EML1: variants seen among roughly 807,000 people sequenced by gnomAD.
EML1 encodes the protein echinoderm microtubule-associated protein-like 1.
Under a neutral mutation model 110.4 loss-of-function variants are expected in EML1, and 27 were observed. The ratio of observed to expected loss-of-function variants is 0.24; its 90% CI spans 0.18 to 0.34. EML1 has a LOEUF of 0.34. Ranked by LOEUF, EML1 falls within the 10% of genes least tolerant of loss-of-function variation. EML1 has a pLI of 1.00. For missense variants in EML1, 741 were observed against 1,030.9 expected (o/e 0.72, Z 3.85); for synonymous variants, 344 against 385.8 (o/e 0.89, Z 1.27).
intron 13 of EML1, 142 bp from the exon 14 acceptor site, chr14:99,914,037 T>A: frequency 4.8e-6 from 5 of 1,035,592 alleles, no homozygotes; most frequent in Non-Finnish European, 6.8e-6. Context: ...ATATACAACA[T>A]ATATATTTGA....
At chr14:99,932,603 C>T (rs1490475304) in intron 17 of EML1, among the ~76,000 whole-genome samples, 3 of 149,046 alleles carry the variant, frequency 2.0e-5, no homozygotes, top group Non-Finnish European at 4.4e-5. Flanking sequence ...GCTGAGATTG[C>T]ACCATTGCAC....
At chr14:99,829,734 T>C (rs1247075221) in intron 1 of EML1, among the ~76,000 whole-genome samples, 2 of 152,254 alleles carry the variant, frequency 1.3e-5, no homozygotes, top group Non-Finnish European at 2.9e-5. Flanking sequence ...TTAGATGAAA[T>C]ATAATATTTG....
intron 1 of EML1, among the ~76,000 whole-genome samples, chr14:99,828,382 CA>C (rs1254433196): frequency 6.6e-6 from 1 of 152,194 alleles, no homozygotes; most frequent in African/African-American, 2.4e-5. Context: ...ACCCATGAGT[CA>C]CTTAATAGGA....
At chr14:99,768,496 C>T (rs115685845), upstream of EML1, among the ~76,000 whole-genome samples, 2,856 of 152,134 alleles carry the variant, frequency 0.019, 37 homozygotes, top group Non-Finnish European at 0.024. Context: ...ATATGGCTCA[C>T]GGAACTATCA....
At chr14:99,766,522 T>C (rs1378156875) in intron 1 of EML1, among the ~76,000 whole-genome samples, 1 of 152,096 alleles carries the variant, frequency 6.6e-6, no homozygotes, top group Non-Finnish European at 1.5e-5. Flanking sequence ...AAGACCTCAG[T>C]TGGTATGTTT....
At chr14:99,823,980 T>C (rs2058308150) in intron 1 of EML1, among the ~76,000 whole-genome samples, 1 of 151,968 alleles carries the variant, frequency 6.6e-6, no homozygotes, top group Non-Finnish European at 1.5e-5. Flanking sequence ...TAAGATGGAG[T>C]CTCGCTCTGT....
rs150427907 is a variant in EML1 at position 99,744,526 on chromosome 14, T to G, written c.28+6666T>G. On this transcript the variant is annotated intron_variant, in intron 1 of 10. Transcript: ENST00000554479. ...AATGTCTGCACCCCTTTCATTGAGT[T>G]TTTTTCCCCCGAATTGACCGTCTGT... Among the ~76,000 whole-genome samples the G allele has an allele frequency of 3.3e-5, 5 of 152,336 alleles. No individual in the cohort carries two copies. The East Asian group carries it at 7.7e-4, about 23-fold the overall frequency.
At chr14:99,764,549 C>T (rs1421492715) in intron 1 of EML1, among the ~76,000 whole-genome samples, 2 of 152,228 alleles carry the variant, frequency 1.3e-5, no homozygotes, top group Non-Finnish European at 1.5e-5. Context: ...CTTTCAGCAG[C>T]GAGCTCTGTA....
intron 17 of EML1, among the ~76,000 whole-genome samples, chr14:99,925,625 C>T (rs2060220157): frequency 1.3e-5 from 2 of 152,210 alleles, no homozygotes; most frequent in African/African-American, 2.4e-5. Flanking sequence ...CAGTAAGGCT[C>T]CGTCCTCTGC....
At chr14:99,797,928 C>A (rs1464534045) in intron 1 of EML1, among the ~76,000 whole-genome samples, 2 of 152,164 alleles carry the variant, frequency 1.3e-5, no homozygotes, top group African/African-American at 2.4e-5. Flanking sequence ...TTCCCCCACC[C>A]CTCCAGCTTG....
At chr14:99,745,386 C>T (rs1279515609) in intron 1 of EML1, among the ~76,000 whole-genome samples, 5 of 152,056 alleles carry the variant, frequency 3.3e-5, no homozygotes, top group South Asian at 2.1e-4. Flanking sequence ...TAATGGTGGG[C>T]GTGTACATAC....
At chr14:99,876,245 T>C (rs1041360930) in intron 3 of EML1, among the ~76,000 whole-genome samples, 2 of 152,082 alleles carry the variant, frequency 1.3e-5, no homozygotes, top group African/African-American at 4.8e-5. Flanking sequence ...CATTTACTTA[T>C]GAGGAGGGAG....
chr14:99,908,177 A>G (rs576768991), intron 10 of EML1, among the ~76,000 whole-genome samples: 11 of 152,368 alleles, frequency 7.2e-5, no homozygotes, highest in African/African-American at 2.2e-4. Flanking sequence ...GGGCTCCTCC[A>G]AAGTGGCACA....
At chr14:99,850,258 A>G (rs774692093) in intron 1 of EML1, 36 of 1,281,084 alleles carry the variant, frequency 2.8e-5, no homozygotes, top group Non-Finnish European at 3.4e-5. Flanking sequence ...ATGATGTACA[A>G]TGAGATTGGA....
At chr14:99,811,548 A>AT (rs1353511182) in intron 1 of EML1, among the ~76,000 whole-genome samples, 1 of 151,218 alleles carries the variant, frequency 6.6e-6, no homozygotes, top group Non-Finnish European at 1.5e-5. Context: ...CATGCCTGTA[A>AT]TCCCAACACT....
chr14:99,785,823 G>A (rs1011601184), intron 1 of EML1, among the ~76,000 whole-genome samples: 2 of 152,106 alleles, frequency 1.3e-5, no homozygotes, highest in Non-Finnish European at 2.9e-5. Context: ...GTGAACGAAC[G>A]GTTGGGGTGA....
At chr14:99,925,663 C>T (rs569312746) in intron 17 of EML1, among the ~76,000 whole-genome samples, 1 of 152,316 alleles carries the variant, frequency 6.6e-6, no homozygotes, top group South Asian at 2.1e-4. Flanking sequence ...GGTTGAAGGG[C>T]ATGTTCAAAG....
chr14:99,888,541 C>T (rs969146418), intron 4 of EML1, among the ~76,000 whole-genome samples: 2 of 152,214 alleles, frequency 1.3e-5, no homozygotes, highest in Non-Finnish European at 2.9e-5. Flanking sequence ...TCTGTCCTCA[C>T]CTCCTTCTGC....
chr14:99,851,079 G>T (rs185633311), intron 2 of EML1, 44 bp downstream of exon 2: 2 of 1,576,450 alleles, frequency 1.3e-6, no homozygotes, highest in Non-Finnish European at 1.7e-6. Context: ...AATTGGTCTC[G>T]TGGCAGAATC....
Sources: allele counts gnomAD v4.1 joint callset (sites outside exome capture counted in the v4.1 genomes callset), GRCh38; gene constraint gnomAD v4.1.1; transcripts MANE v1.5; gene names NCBI Gene and HGNC (gene_info 2026-07-23, HGNC 2026-07-21).